BBS7: variants seen among roughly 807,000 people sequenced by gnomAD.
BBS7 encodes BBSome complex member BBS7.
BBS7 carries 50 observed loss-of-function variants against 90.3 expected under a neutral mutation model. That is an observed-to-expected ratio of 0.55 (90% confidence interval 0.44 to 0.70). The LOEUF (loss-of-function observed/expected upper bound fraction) is 0.70. Ranked by LOEUF, BBS7 falls within the 30% of genes least tolerant of loss-of-function variation. BBS7 has a pLI of 0.00. For missense variants in BBS7, 729 were observed against 838.9 expected (o/e 0.87, Z 1.62); for synonymous variants, 235 against 287.4 (o/e 0.82, Z 1.85).
At position 121,845,534 on chromosome 4, in the gene BBS7, T is replaced by C. The variant is rs1305534527; in HGVS notation, c.1200A>G (p.Val400=). 4 of 1,612,532 alleles carry C rather than the reference T, an allele frequency of 2.5e-6. No homozygotes were observed. In the East Asian group the frequency reaches 8.9e-5, roughly 36 times the overall value. Residue 400 remains valine, a synonymous_variant, in exon 11 of 19, where the codon GTA becomes GTG. Coordinates refer to ENST00000264499, the MANE Select transcript of BBS7 (RefSeq NM_176824.3). ...TTAAGACATTATCTATTGCAGTCTG[T>C]ACCTCTAAGATAAGGCTGTAACTGG... ...DDASYSLILE[V]QTAIDNVLIQ...
chr4:121,837,316 C>T (rs1364916625), intron 13 of BBS7, among the ~76,000 whole-genome samples: 3 of 151,998 alleles, frequency 2.0e-5, no homozygotes, highest in East Asian at 1.9e-4. Context: ...TTTCCTTACT[C>T]GGTGGTTTTT....
At chr4:121,827,153 G>A (rs1507995) in intron 18 of BBS7, among the ~76,000 whole-genome samples, 41,194 of 152,120 alleles carry the variant, frequency 0.27, 6,214 homozygotes, top group Non-Finnish European at 0.32. Context: ...GTGATATTAT[G>A]TACAGCCAAT....
chr4:121,857,051 G>C (rs1726713751), intron 5 of BBS7, among the ~76,000 whole-genome samples: 1 of 151,836 alleles, frequency 6.6e-6, no homozygotes, highest in African/African-American at 2.4e-5. Context: ...TTACAGGCGT[G>C]AGCCACCACA....
intron 5 of BBS7, among the ~76,000 whole-genome samples, chr4:121,857,884 G>A (rs767943808): frequency 2.8e-5 from 4 of 140,916 alleles, no homozygotes; most frequent in South Asian, 2.2e-4. Context: ...TCAGCTCACC[G>A]CAACCTCCGC....
chr4:121,826,568 G>A (rs1724918052), intron 18 of BBS7, among the ~76,000 whole-genome samples: 1 of 152,210 alleles, frequency 6.6e-6, no homozygotes, highest in Non-Finnish European at 1.5e-5. Flanking sequence ...GGAAGATAAT[G>A]AAAGGAATAT....
chr4:121,849,049 T>G, intron 8 of BBS7, 121 bp from the exon 9 acceptor site: 1 of 728,388 alleles, frequency 1.4e-6, no homozygotes, highest in Non-Finnish European at 2.4e-6. Context: ...TGAATGTTTA[T>G]GTGCAGACAC....
chr4:121,867,097 A>C (rs1727323328), intron 2 of BBS7, among the ~76,000 whole-genome samples: 1 of 151,754 alleles, frequency 6.6e-6, no homozygotes, highest in Non-Finnish European at 1.5e-5. Context: ...ATCCTCTTTA[A>C]TTTCTTTCAT....
chr4:121,852,975 G>C lies in BBS7; in HGVS notation c.830C>G (p.Pro277Arg). 6.2e-7 allele frequency: 1 copy of C among 1,613,564 alleles called. No homozygotes were observed. Among genetic ancestry groups the C allele is most frequent in the East Asian group, 2.2e-5 (1 of 44,806 alleles). Residue 277 changes from proline (P) to arginine (R), a missense_variant, in exon 8 of 19, where the codon CCT (proline) becomes CGT (arginine). Pro to Arg is a moderately radical substitution (Grantham distance 103, BLOSUM62 -2). Transcript: ENST00000264499. ...ACTTACCTGATCAAATCGTAGAACA[G>C]GTTCATTTGCATTATCAAAACTATA... ...EVYSFDNANEPVLRFDQMLSE... is the reference protein window; with the variant it reads ...EVYSFDNANERVLRFDQMLSE...
intron 10 of BBS7, among the ~76,000 whole-genome samples, chr4:121,845,969 A>C (rs1208916174): frequency 6.6e-6 from 1 of 152,204 alleles, no homozygotes; most frequent in Non-Finnish European, 1.5e-5. Flanking sequence ...GCTACAAAAT[A>C]ATCTTAACAC....
intron 14 of BBS7, among the ~76,000 whole-genome samples, chr4:121,833,745 A>T (rs1389257658): frequency 6.6e-6 from 1 of 152,028 alleles, no homozygotes; most frequent in Non-Finnish European, 1.5e-5. Context: ...AGGTCTTACT[A>T]TGTTGCCCAG....
Position 121,844,011 on chromosome 4 carries a change from A to G in BBS7, c.1231-10T>C. Reference sequence around the variant, plus strand: ...CTATTGGAACATCACTCTATAGTCAATATTAAAAAAAAAGAAGGTTGAGAT... The same window carrying G: ...CTATTGGAACATCACTCTATAGTCAGTATTAAAAAAAAAGAAGGTTGAGAT... On this transcript the variant is annotated splice_polypyrimidine_tract_variant and intron_variant, in intron 11 of 18. Coordinates refer to ENST00000264499, the MANE Select transcript of BBS7 (RefSeq NM_176824.3). 3 of 1,546,440 alleles carry G rather than the reference A, an allele frequency of 1.9e-6. No individual in the cohort carries two copies. Among genetic ancestry groups the G allele is most frequent in the Non-Finnish European group, 2.7e-6 (3 of 1,129,966 alleles).
intron 8 of BBS7, among the ~76,000 whole-genome samples, chr4:121,850,837 C>T (rs1726278219): frequency 6.6e-6 from 1 of 152,160 alleles, no homozygotes; most frequent in Non-Finnish European, 1.5e-5. Context: ...GGGCAAACCT[C>T]TGAGCTATCC....
At chr4:121,834,742 C>T (rs1725363186) in intron 14 of BBS7, among the ~76,000 whole-genome samples, 2 of 152,074 alleles carry the variant, frequency 1.3e-5, no homozygotes, top group African/African-American at 4.8e-5. Context: ...CTATCACAAC[C>T]AATTGCTTTA....
chr4:121,838,737 G>A (rs1410822505), intron 13 of BBS7, among the ~76,000 whole-genome samples: 3 of 149,404 alleles, frequency 2.0e-5, no homozygotes, highest in Admixed American at 1.3e-4. Context: ...AAAAAAAAAA[G>A]TACAAAAATT....
rs767033569 is a variant in BBS7 at position 121,825,927 on chromosome 4, G to A, written c.2081C>T (p.Pro694Leu). The change falls in exon 19 of 19, where the codon CCC becomes CTC. Residue 694 changes from proline to leucine, a missense_variant. Physicochemically the swap from Pro to Leu is moderately conservative, Grantham distance 98. Coordinates refer to ENST00000264499, the MANE Select transcript of BBS7 (RefSeq NM_176824.3). Reference protein sequence around the residue: ...FKGTNVKTKVPLLLEILDSYD... With the variant: ...FKGTNVKTKVLLLLEILDSYD... Reference sequence around the variant, plus strand: ...ACTGTCCAGAATTTCCAATAGAAGGGGTACTTTAGTTTTTACATTGGTGCC... The same window carrying A: ...ACTGTCCAGAATTTCCAATAGAAGGAGTACTTTAGTTTTTACATTGGTGCC... The A allele has an allele frequency of 6.2e-7, 1 of 1,610,908 alleles. No individual in the cohort carries two copies. The highest frequency in any genetic ancestry group is 8.5e-7 in the Non-Finnish European group (1 of 1,177,772).
In BBS7 at chr4:121,866,654, A is replaced by C. The variant is rs554248176; in HGVS notation, c.102+1327T>G. Reference sequence around the variant, plus strand: ...TTCATCCTTCTGCATATGAATATTCAGTTTTCCCAGCACCATTTATTGAAG... The same window carrying C: ...TTCATCCTTCTGCATATGAATATTCCGTTTTCCCAGCACCATTTATTGAAG... On this transcript the variant is annotated intron_variant, in intron 2 of 18. Coordinates refer to ENST00000264499, the MANE Select transcript of BBS7 (RefSeq NM_176824.3). 6.6e-5 allele frequency among the ~76,000 whole-genome samples: 10 copies of C among 152,248 alleles called. No individual in the cohort carries two copies. In the East Asian group the frequency reaches 1.9e-3, roughly 29 times the overall value.
chr4:121,839,671 G>A lies in BBS7; in HGVS notation c.1331C>T (p.Thr444Ile), dbSNP rs1240144741. The A allele has an allele frequency of 6.2e-7, 1 of 1,613,704 alleles. No individual in the cohort carries two copies. The highest frequency in any genetic ancestry group is 1.3e-5 in the African/African-American group (1 of 74,910). ...SESNDNFLLA[T>I]YRCQADTTRL... ...TGTAGTATCTGCCTGGCACCGATAA[G>A]TGGCAAGAAGGAAGTTGTCGTTTGA... The change falls in exon 13 of 19, where the codon ACT becomes ATT. Residue 444 changes from threonine to isoleucine, a missense_variant. By Grantham distance (89) the Thr-to-Ile change is moderately conservative (BLOSUM62 -1). Transcript: ENST00000264499.
chr4:121,853,109 A>C, intron 7 of BBS7, 23 bp from the exon 8 acceptor site: 1 of 1,608,134 alleles, frequency 6.2e-7, no homozygotes, highest in Non-Finnish European at 8.5e-7. Context: ...ATATGTGATA[A>C]GTTATTAAGA....
chr4:121,868,051 A>G lies in BBS7; in HGVS notation c.37-5T>C, dbSNP rs756130737. On this transcript the variant is annotated splice_polypyrimidine_tract_variant and splice_region_variant and intron_variant, in intron 1 of 18. Coordinates refer to ENST00000264499, the MANE Select transcript of BBS7 (RefSeq NM_176824.3). ...CTTCTGAGATGTTACTCCCACCTAA[A>G]GAAAAACACCAGATGCCTAGTGAAT... 13 of 1,611,358 alleles carry G rather than the reference A, an allele frequency of 8.1e-6. No homozygotes were observed. The highest frequency in any genetic ancestry group is 1.1e-5 in the Non-Finnish European group (13 of 1,177,732).
Sources: gnomAD v4.1 joint callset for allele counts (sites outside exome capture counted in the v4.1 genomes callset) on GRCh38, gnomAD v4.1.1 for gene constraint, MANE v1.5 for transcripts, NCBI Gene and HGNC (gene_info 2026-07-23, HGNC 2026-07-21) for gene names.